The following TBC1D14 variants were observed in gnomAD, a reference collection of about 807,000 sequenced individuals.
TBC1D14 encodes the protein TBC1 domain family member 14, also known as TBC1 domain family, member 14.
Under a neutral mutation model 79.0 loss-of-function variants are expected in TBC1D14, and 26 were observed. The observed-to-expected ratio is 0.33, with a 90% CI of 0.24 to 0.46. The LOEUF is 0.46. Among genes scored for constraint, TBC1D14 ranks in the 20% least tolerant of loss-of-function variants. TBC1D14 has a pLI of 1.00. For missense variants in TBC1D14, 769 were observed against 887.6 expected (o/e 0.87, Z 1.70); for synonymous variants, 394 against 349.9 (o/e 1.13, Z -1.40).
chr4:7,013,878 G>C (rs974405490), intron 11 of TBC1D14, among the ~76,000 whole-genome samples: 1 of 152,096 alleles, frequency 6.6e-6, no homozygotes, highest in African/African-American at 2.4e-5. Flanking sequence ...CGAGTAGCTG[G>C]GACTACAGGC....
intron 2 of TBC1D14, among the ~76,000 whole-genome samples, chr4:6,942,238 C>T (rs887907666): frequency 2.6e-5 from 4 of 152,084 alleles, no homozygotes; most frequent in Non-Finnish European, 5.9e-5. Context: ...GTACAAGTAA[C>T]ACTGAATTAT....
chr4:7,017,709 T>A (rs1721419878), intron 12 of TBC1D14, among the ~76,000 whole-genome samples: 1 of 152,238 alleles, frequency 6.6e-6, no homozygotes, highest in Non-Finnish European at 1.5e-5. Flanking sequence ...AAGTGCTGAC[T>A]GTGTTCTAGA....
At position 6,968,784 on chromosome 4, in the gene TBC1D14, C is replaced by T. The variant is rs1202889914; in HGVS notation, c.843+1360C>T. Among the ~76,000 whole-genome samples the T allele has an allele frequency of 3.3e-5, 5 of 152,304 alleles. No homozygotes were observed. The South Asian group carries it at 6.2e-4, about 19-fold the overall frequency. ...CCAACCCCAAGGCTTTGCAGAGCCT[C>T]TGAGTGTTTTACGTAGGTAAGGAGT... On this transcript the variant is annotated intron_variant, in intron 3 of 13. Transcript: ENST00000409757.
intron 1 of TBC1D14, among the ~76,000 whole-genome samples, chr4:6,917,906 C>T (rs572622315): frequency 6.6e-6 from 1 of 152,272 alleles, no homozygotes; most frequent in Non-Finnish European, 1.5e-5. Context: ...GGACAGGTCG[C>T]CTTGGCCCTT....
At chr4:6,925,733 A>G (rs1724239434) in intron 2 of TBC1D14, among the ~76,000 whole-genome samples, 1 of 152,242 alleles carries the variant, frequency 6.6e-6, no homozygotes. Context: ...AGATCTTGTC[A>G]CTATCCCTTC....
intron 1 of TBC1D14, among the ~76,000 whole-genome samples, chr4:6,913,154 C>T (rs1420900924): frequency 6.6e-6 from 1 of 152,110 alleles, no homozygotes; most frequent in Non-Finnish European, 1.5e-5. Context: ...TGCCACCATG[C>T]CTGGCTAATT....
At position 6,923,700 on chromosome 4, in the gene TBC1D14, C is replaced by A. The variant is rs766440023; in HGVS notation, c.311C>A (p.Ala104Asp). The A allele has an allele frequency of 6.2e-7, 1 of 1,613,830 alleles. No individual in the cohort carries two copies. Among genetic ancestry groups the A allele is most frequent in the Non-Finnish European group, 8.5e-7 (1 of 1,180,040 alleles). ...ATCCCCGAGCGGGCCTTCCAGAGCG[C>A]CTGCGCGCTGCCATCCTGTGCGCCA... is the stretch of plus-strand genomic sequence containing the variant. ...DLIPERAFQS[A>D]CALPSCAPPA... The change falls in exon 2 of 14, where the codon GCC becomes GAC. Residue 104 changes from alanine (A) to aspartate (D), a missense_variant. By Grantham distance (126) the Ala-to-Asp change is moderately radical. Coordinates refer to ENST00000409757, the MANE Select transcript of TBC1D14 (RefSeq NM_020773.3).
intron 13 of TBC1D14, 40 bp from the exon 14 acceptor site, chr4:7,030,287 G>A (rs774197844): frequency 5.4e-5 from 87 of 1,601,098 alleles, no homozygotes; most frequent in East Asian, 6.7e-5. Context: ...ATCTGTGTGC[G>A]TGGTCACTTA....
intron 2 of TBC1D14, among the ~76,000 whole-genome samples, chr4:6,953,466 A>AAAG (rs1714292310): frequency 2.1e-5 from 3 of 143,152 alleles, no homozygotes; most frequent in Admixed American, 2.1e-4. Context: ...CTAAAAAAAA[A>AAAG]AAAAAATACA....
intron 7 of TBC1D14, chr4:7,001,456 A>G: frequency 3.7e-6 from 2 of 540,520 alleles, no homozygotes; most frequent in South Asian, 2.2e-5. Context: ...AGCTCAGCGC[A>G]GGAGCTCTTG....
chr4:7,027,922 C>T (rs1197795366), intron 13 of TBC1D14, among the ~76,000 whole-genome samples: 3 of 149,892 alleles, frequency 2.0e-5, no homozygotes, highest in Non-Finnish European at 4.5e-5. Context: ...ACACAATCAC[C>T]CCACACAGTT....
intron 2 of TBC1D14, among the ~76,000 whole-genome samples, chr4:6,942,890 G>A (rs1713045317): frequency 6.6e-6 from 1 of 152,218 alleles, no homozygotes; most frequent in Non-Finnish European, 1.5e-5. Flanking sequence ...GTTCGTTTGA[G>A]AGCAGTTATT....
intron 11 of TBC1D14, among the ~76,000 whole-genome samples, chr4:7,011,838 G>C (rs1240124173): frequency 6.6e-6 from 1 of 151,826 alleles, no homozygotes; most frequent in Non-Finnish European, 1.5e-5. Flanking sequence ...GATTACAGGC[G>C]TGAGCCACTG....
intron 13 of TBC1D14, among the ~76,000 whole-genome samples, chr4:7,025,470 G>C (rs1429994825): frequency 6.6e-6 from 1 of 152,242 alleles, no homozygotes; most frequent in African/African-American, 2.4e-5. Context: ...CAGCTGGATG[G>C]GGTGTGGATA....
chr4:7,004,715 C>A, intron 7 of TBC1D14, 129 bp from the exon 8 acceptor site: 1 of 722,042 alleles, frequency 1.4e-6, no homozygotes. Flanking sequence ...GTTTAAGTAG[C>A]CTGTTAAGTA....
chr4:6,921,367 C>A, intron 1 of TBC1D14, among the ~76,000 whole-genome samples: 1 of 151,894 alleles, frequency 6.6e-6, no homozygotes, highest in East Asian at 1.9e-4. Flanking sequence ...CCACCACACC[C>A]AGCTAATTTA....
At chr4:6,924,506 G>A (rs986450883) in intron 2 of TBC1D14, among the ~76,000 whole-genome samples, 4 of 152,190 alleles carry the variant, frequency 2.6e-5, no homozygotes, top group Non-Finnish European at 5.9e-5. Context: ...TCTACTGCCA[G>A]CCCCTGCTGG....
intron 12 of TBC1D14, among the ~76,000 whole-genome samples, chr4:7,020,541 G>A (rs1394942197): frequency 6.6e-6 from 1 of 152,192 alleles, no homozygotes; most frequent in Non-Finnish European, 1.5e-5. Context: ...TTGGGAAAAT[G>A]GGGACACAGC....
intron 12 of TBC1D14, among the ~76,000 whole-genome samples, chr4:7,016,776 C>T (rs1232271790): frequency 1.3e-5 from 2 of 152,146 alleles, no homozygotes; most frequent in African/African-American, 2.4e-5. Flanking sequence ...TCGTTGCCTT[C>T]GTGATCCACT....
Sources: allele counts gnomAD v4.1 joint callset (sites outside exome capture counted in the v4.1 genomes callset), GRCh38; gene constraint gnomAD v4.1.1; transcripts MANE v1.5; gene names NCBI Gene and HGNC (gene_info 2026-07-23, HGNC 2026-07-21).